Variants in XPNPEP1 observed in about 807,000 individuals in gnomAD.
XPNPEP1 encodes xaa-Pro aminopeptidase 1.
Under a neutral mutation model 92.4 loss-of-function variants are expected in XPNPEP1, and 39 were observed. That is an observed-to-expected ratio of 0.42 (90% CI 0.33 to 0.55). The LOEUF is 0.55. Among genes scored for constraint, XPNPEP1 ranks in the 20% least tolerant of loss-of-function variants. The pLI, the probability that XPNPEP1 is intolerant of heterozygous loss-of-function variation, is 0.08. For synonymous variants in XPNPEP1, 307 were observed against 299.4 expected (o/e 1.03, Z -0.26); for missense variants, 654 against 856.1 (o/e 0.76, Z 2.95).
chr10:109,899,301 T>G (rs1231766533), intron 3 of XPNPEP1, among the ~76,000 whole-genome samples: 1 of 152,182 alleles, frequency 6.6e-6, no homozygotes. Flanking sequence ...GAAATGTGGG[T>G]GAGAGGTGAT....
intron 7 of XPNPEP1, 119 bp downstream of exon 7, chr10:109,887,930 G>C: frequency 7.0e-7 from 1 of 1,429,248 alleles, no homozygotes; most frequent in African/African-American, 1.4e-5. Flanking sequence ...GGCAGAGTAG[G>C]GCAAAATCCT....
chr10:109,868,344 A>G (rs1443877305), intron 20 of XPNPEP1, among the ~76,000 whole-genome samples: 2 of 151,854 alleles, frequency 1.3e-5, no homozygotes, highest in African/African-American at 4.8e-5. Flanking sequence ...AAACAATGGC[A>G]TACGAGTTCC....
At chr10:109,900,889 C>A in intron 3 of XPNPEP1, among the ~76,000 whole-genome samples, 1 of 152,140 alleles carries the variant, frequency 6.6e-6, no homozygotes, top group East Asian at 1.9e-4. Flanking sequence ...TCCATAGATA[C>A]CCATGGTATT....
intron 3 of XPNPEP1, among the ~76,000 whole-genome samples, chr10:109,899,257 T>C (rs191271171): frequency 6.6e-6 from 1 of 152,294 alleles, no homozygotes; most frequent in Non-Finnish European, 1.5e-5. Context: ...CCTCATTACA[T>C]TGAGGTGAGG....
At chr10:109,872,023 G>A (rs2274979) in intron 16 of XPNPEP1, among the ~76,000 whole-genome samples, 162 bp from the exon 17 acceptor site, 29,915 of 152,064 alleles carry the variant, frequency 0.2, 3,374 homozygotes, top group South Asian at 0.39. Context: ...GCCTGGCCAC[G>A]GGACCAATTT....
chr10:109,889,585 A>T (rs72828203), intron 5 of XPNPEP1, among the ~76,000 whole-genome samples: 22,764 of 152,246 alleles, frequency 0.15, 2,115 homozygotes, highest in East Asian at 0.41. Flanking sequence ...TCCAGAATAG[A>T]ACTAAAATTA....
chr10:109,888,185 C>G lies in XPNPEP1; in HGVS notation c.516G>C (p.Trp172Cys). ...VDPLIIPTDY[W>C]KKMAKVLRSA... is the part of the protein sequence containing the mutation. ...TTCTCAGAACTTTGGCCATTTTCTT[C>G]CAATAATCTGAGGAGACACATTGTG... The change falls in exon 7 of 21, where the codon TGG (tryptophan) becomes TGC (cysteine). Residue 172 changes from tryptophan (W) to cysteine (C), a missense_variant. By Grantham distance (215) the Trp-to-Cys change is radical. Transcript: ENST00000502935. 3 of 1,611,576 alleles carry G rather than the reference C, an allele frequency of 1.9e-6. No homozygotes were observed. The highest frequency in any genetic ancestry group is 2.5e-6 in the Non-Finnish European group (3 of 1,179,876).
At chr10:109,880,308 C>A in intron 11 of XPNPEP1, 70 bp from the exon 12 acceptor site, 1 of 1,506,890 alleles carries the variant, frequency 6.6e-7, no homozygotes, top group African/African-American at 1.4e-5. Flanking sequence ...GAGCCTAGCC[C>A]TAATGCAATA....
At chr10:109,910,105 G>A (rs369918199) in intron 2 of XPNPEP1, among the ~76,000 whole-genome samples, 1 of 152,166 alleles carries the variant, frequency 6.6e-6, no homozygotes, top group South Asian at 2.1e-4. Context: ...TGCACATGCA[G>A]CCTATTCATT....
chr10:109,905,901 T>C (rs1849533106), intron 3 of XPNPEP1, among the ~76,000 whole-genome samples: 2 of 152,250 alleles, frequency 1.3e-5, no homozygotes, highest in South Asian at 4.1e-4. Context: ...AAATATCCGA[T>C]CCCTTTGCTT....
At chr10:109,868,408 C>A (rs1847259918) in intron 20 of XPNPEP1, among the ~76,000 whole-genome samples, 1 of 151,916 alleles carries the variant, frequency 6.6e-6, no homozygotes, top group Non-Finnish European at 1.5e-5. Context: ...CTATCTCCAC[C>A]TGGAGGCCCA....
At chr10:109,869,151 A>G (rs10082546) in intron 19 of XPNPEP1, among the ~76,000 whole-genome samples, 6,501 of 152,274 alleles carry the variant, frequency 0.043, 463 homozygotes, top group African/African-American at 0.15. Context: ...CAACACATCT[A>G]TCCACTGGAG....
intron 3 of XPNPEP1, among the ~76,000 whole-genome samples, chr10:109,906,720 CT>C (rs1849579490): frequency 6.6e-6 from 1 of 152,228 alleles, no homozygotes; most frequent in Admixed American, 6.5e-5. Context: ...ACCTGTCCCA[CT>C]GTTTCTGAAG....
intron 8 of XPNPEP1, among the ~76,000 whole-genome samples, chr10:109,884,877 C>CA (rs903518749): frequency 1.3e-5 from 2 of 151,726 alleles, no homozygotes; most frequent in East Asian, 1.9e-4. Flanking sequence ...AGGATCAGAG[C>CA]AAAAAAACGC....
At chr10:109,913,444 A>G (rs1481923217) in intron 2 of XPNPEP1, among the ~76,000 whole-genome samples, 1 of 152,256 alleles carries the variant, frequency 6.6e-6, no homozygotes, top group Non-Finnish European at 1.5e-5. Flanking sequence ...ACACGGGCAC[A>G]GATGCTCTTC....
chr10:109,916,562 A>G, intron 1 of XPNPEP1, among the ~76,000 whole-genome samples: 1 of 152,262 alleles, frequency 6.6e-6, no homozygotes, highest in East Asian at 1.9e-4. Flanking sequence ...GGTAAGAACC[A>G]GATAACCAGG....
chr10:109,911,937 A>C (rs1849899138), intron 2 of XPNPEP1, among the ~76,000 whole-genome samples: 1 of 152,210 alleles, frequency 6.6e-6, no homozygotes, highest in African/African-American at 2.4e-5. Flanking sequence ...CACTAACTTC[A>C]TCAATAACGT....
chr10:109,900,094 G>C (rs1849200730), intron 3 of XPNPEP1, among the ~76,000 whole-genome samples: 1 of 152,232 alleles, frequency 6.6e-6, no homozygotes, highest in Admixed American at 6.5e-5. Flanking sequence ...AGGACAGAGA[G>C]AAGCAGACCA....
chr10:109,915,013 G>A lies in XPNPEP1; in HGVS notation c.119C>T (p.Thr40Ile). The part of the protein sequence containing the change: ...VTHSGDTGVE[T>I]DGRMPPKVTS... ...TAATTTCCAGACAAAATTATTACCT[G>A]TTTCCACACCTGTGTCTCCTGAGTG... The change falls in exon 2 of 21, where the codon ACA becomes ATA. Residue 40 changes from threonine to isoleucine, a missense_variant and splice_region_variant. By Grantham distance (89) the Thr-to-Ile change is moderately conservative (BLOSUM62 -1). Transcript: ENST00000502935. 2 of 1,517,580 alleles carry A rather than the reference G, an allele frequency of 1.3e-6. No homozygotes were observed. Among genetic ancestry groups the A allele is most frequent in the South Asian group, 1.2e-5 (1 of 80,226 alleles). 94.0% of individuals were successfully genotyped at this position (1,517,580 alleles called of 1,614,324 possible). A position where few individuals can be genotyped will look rare whatever the true frequency, so the allele number is the denominator to read the frequency against.
Sources: allele counts gnomAD v4.1 joint callset (sites outside exome capture counted in the v4.1 genomes callset), GRCh38; gene constraint gnomAD v4.1.1; transcripts MANE v1.5; gene names NCBI Gene and HGNC (gene_info 2026-07-23, HGNC 2026-07-21).